NTRK3: variants seen among roughly 807,000 people sequenced by gnomAD.
NTRK3 encodes neurotrophic receptor tyrosine kinase 3.
NTRK3 carries 24 observed loss-of-function variants against 91.7 expected under a neutral mutation model. The ratio of observed to expected loss-of-function variants is 0.26; its 90% CI spans 0.19 to 0.37. NTRK3 has a LOEUF of 0.37. NTRK3 is among the 10% of genes least tolerant of loss of function. The probability of loss-of-function intolerance (pLI) is 1.00; values close to 1 mark genes in which losing one functional copy is unlikely to be tolerated. For synonymous variants in NTRK3, 483 were observed against 404.0 expected, an observed-to-expected ratio of 1.20 and a Z score of -2.34; for missense variants, 880 against 1,068.9, an observed-to-expected ratio of 0.82 and a Z score of 2.46.
rs189240914 is a variant in NTRK3, at chr15:87,875,252, G to C, written c.*1683C>G. 9.6e-4 allele frequency: 222 copies of C among 230,150 alleles called. 5 individuals carry two copies. The highest frequency in any genetic ancestry group is 2.1e-3 in the East Asian group (34 of 16,158). 14.3% of individuals were successfully genotyped at this position (230,150 alleles called of 1,614,324 possible). A position where few individuals can be genotyped will look rare whatever the true frequency, so the allele number is the denominator to read the frequency against. On this transcript the variant is annotated 3_prime_UTR_variant, in exon 19 of 19. Transcript: ENST00000394480. ...AGTCCCTTAGGTAGCTCTGTGCTTG[G>C]GGCAAGGCAGAGGGGCCCCGTGGCC...
intron 3 of NTRK3, among the ~76,000 whole-genome samples, chr15:88,199,261 T>C (rs781544049): frequency 6.6e-6 from 1 of 152,174 alleles, no homozygotes; most frequent in South Asian, 2.1e-4. Flanking sequence ...TGATGTGAGC[T>C]GGTGAGAGTC....
intron 17 of NTRK3, among the ~76,000 whole-genome samples, chr15:87,896,728 T>C (rs1488359624): frequency 6.6e-6 from 1 of 152,156 alleles, no homozygotes; most frequent in African/African-American, 2.4e-5. Context: ...TACATGTCCA[T>C]CTGTGGCCTC....
At chr15:88,092,818 G>A (rs1283383980) in intron 13 of NTRK3, among the ~76,000 whole-genome samples, 1 of 152,120 alleles carries the variant, frequency 6.6e-6, no homozygotes, top group Non-Finnish European at 1.5e-5. Context: ...TCAAATCCCT[G>A]CATCTCTGTC....
intron 3 of NTRK3, among the ~76,000 whole-genome samples, chr15:88,222,109 T>C (rs1179132979): frequency 6.6e-6 from 1 of 152,184 alleles, no homozygotes; most frequent in Non-Finnish European, 1.5e-5. Flanking sequence ...GGTGAGGCAG[T>C]ACAGAGGGAC....
intron 13 of NTRK3, among the ~76,000 whole-genome samples, chr15:88,067,492 G>A (rs188902869): frequency 6.6e-6 from 1 of 152,140 alleles, no homozygotes; most frequent in African/African-American, 2.4e-5. Flanking sequence ...AGGGGGATGG[G>A]TTTTGCCTGC....
rs201595170 is a variant in NTRK3 at position 88,111,910 on chromosome 15, T to TTTTG, written c.1396+14360_1396+14361insCAAA. On this transcript the variant is annotated intron_variant, in intron 13 of 18. Coordinates refer to ENST00000394480, the Ensembl canonical transcript of NTRK3. ...TTTCTGGTTTTTTTTTTGTTTTTGT[T>TTTTG]TTTTTTTTTTGAGACAGACAGAGTC... Among the ~76,000 whole-genome samples the TTTTG allele has an allele frequency of 1.9e-3, 260 of 138,768 alleles. 2 individuals carry two copies. The highest frequency in any genetic ancestry group is 6.6e-3 in the African/African-American group (233 of 35,046). 91.0% of individuals were successfully genotyped at this position (138,768 alleles called of 152,430 possible).
At position 87,942,995 on chromosome 15, in the gene NTRK3, C is replaced by A. The variant is rs79032862; in HGVS notation, c.1586-2242G>T. 9.7e-3 allele frequency among the ~76,000 whole-genome samples: 1,472 copies of A among 152,156 alleles called. 28 individuals carry two copies. Among genetic ancestry groups the A allele is most frequent in the African/African-American group, 0.034 (1,392 of 41,494 alleles). ...TTACTTGGGGAAGAGCACCGTTTGG[C>A]CCCAGACTCCACCCCAATCCCACCT... On this transcript the variant is annotated intron_variant, in intron 14 of 18. Transcript: ENST00000394480.
At chr15:87,935,034 T>A (rs543547629) in intron 15 of NTRK3, among the ~76,000 whole-genome samples, 1 of 152,264 alleles carries the variant, frequency 6.6e-6, no homozygotes, top group South Asian at 2.1e-4. Context: ...TAACTGGGGT[T>A]CAGGATGGGG....
At chr15:87,961,795 G>A (rs2072321604) in intron 14 of NTRK3, among the ~76,000 whole-genome samples, 1 of 152,246 alleles carries the variant, frequency 6.6e-6, no homozygotes, top group African/African-American at 2.4e-5. Flanking sequence ...ATTAACCCCT[G>A]ATTCAATCCA....
intron 5 of NTRK3, among the ~76,000 whole-genome samples, chr15:88,160,681 C>A (rs140183079): frequency 6.6e-6 from 1 of 152,176 alleles, no homozygotes; most frequent in Non-Finnish European, 1.5e-5. Context: ...CTGGGGATCA[C>A]GTGAGGAACA....
intron 3 of NTRK3, chr15:88,210,024 G>A (rs1330158489): frequency 1.3e-5 from 2 of 152,244 alleles, no homozygotes; most frequent in Admixed American, 1.3e-4. Flanking sequence ...AGGATCTGGG[G>A]AGGCCACCCG....
chr15:87,982,462 CT>C (rs1306050275), intron 14 of NTRK3, among the ~76,000 whole-genome samples: 1 of 151,538 alleles, frequency 6.6e-6, no homozygotes, highest in Non-Finnish European at 1.5e-5. Flanking sequence ...TACATCTGAC[CT>C]TTTCCTCTGT....
At chr15:88,162,962 T>C (rs556139906) in intron 5 of NTRK3, among the ~76,000 whole-genome samples, 10 of 152,152 alleles carry the variant, frequency 6.6e-5, no homozygotes, top group Non-Finnish European at 1.2e-4. Context: ...TAACATTAGC[T>C]GCAAAAGAGT....
chr15:87,932,499 CG>C (rs1646960520), intron 16 of NTRK3, among the ~76,000 whole-genome samples: 1 of 152,178 alleles, frequency 6.6e-6, no homozygotes, highest in Non-Finnish European at 1.5e-5. Flanking sequence ...TGAAGAAAAT[CG>C]GTCCCCTTTT....
intron 10 of NTRK3, among the ~76,000 whole-genome samples, chr15:88,133,321 G>C (rs1436438769): frequency 2.0e-5 from 3 of 152,114 alleles, no homozygotes; most frequent in Admixed American, 6.6e-5. Flanking sequence ...TGAGACAAAG[G>C]AGAGAACGGA....
chr15:88,110,325 G>A (rs988933786), intron 13 of NTRK3, among the ~76,000 whole-genome samples: 10 of 152,228 alleles, frequency 6.6e-5, no homozygotes, highest in Admixed American at 2.0e-4. Context: ...TGCAGGCACC[G>A]TGGGGTAGGC....
chr15:87,929,779 C>A (rs1258822060), intron 16 of NTRK3, among the ~76,000 whole-genome samples: 1 of 152,138 alleles, frequency 6.6e-6, no homozygotes, highest in Non-Finnish European at 1.5e-5. Flanking sequence ...CTGCCATAGC[C>A]CTTACTATAT....
exon 19 of NTRK3, chr15:87,860,329 A>T (rs1025902795): frequency 6.0e-5 from 13 of 215,432 alleles, no homozygotes; most frequent in Middle Eastern, 1.4e-3. Flanking sequence ...AATACAATTT[A>T]AAAAAATAAT....
chr15:88,075,095 C>T (rs1357701877), intron 13 of NTRK3, among the ~76,000 whole-genome samples: 1 of 152,188 alleles, frequency 6.6e-6, no homozygotes, highest in Non-Finnish European at 1.5e-5. Context: ...TCCCCAAACT[C>T]CTTCTAGAAT....
Sources: gnomAD v4.1 joint callset for allele counts (sites outside exome capture counted in the v4.1 genomes callset) on GRCh38, gnomAD v4.1.1 for gene constraint, MANE v1.5 for transcripts, NCBI Gene and HGNC (gene_info 2026-07-23, HGNC 2026-07-21) for gene names.